Variants in TNKS observed in about 807,000 individuals in gnomAD.
TNKS encodes poly [ADP-ribose] polymerase tankyrase-1.
In TNKS, 72 loss-of-function variants were observed where a neutral mutation model predicts 135.8. The ratio of observed to expected loss-of-function variants is 0.53; its 90% CI spans 0.44 to 0.64. The LOEUF (loss-of-function observed/expected upper bound fraction) is 0.64, where lower values mean the gene tolerates loss of function less well. TNKS is among the 30% of genes least tolerant of loss of function. The pLI is 0.00. For missense variants in TNKS, 1,769 were observed against 1,674.0 expected (o/e 1.06, Z -0.99); for synonymous variants, 849 against 649.3 (o/e 1.31, Z -4.68).
intron 3 of TNKS, among the ~76,000 whole-genome samples, chr8:9,632,274 G>C (rs925914860): frequency 6.6e-6 from 1 of 152,086 alleles, no homozygotes; most frequent in Non-Finnish European, 1.5e-5. Flanking sequence ...CCCTACGACT[G>C]TTTCTCCAAA....
At chr8:9,598,707 G>A (rs1162846181) in intron 2 of TNKS, among the ~76,000 whole-genome samples, 2 of 97,400 alleles carry the variant, frequency 2.1e-5, no homozygotes, top group African/African-American at 4.2e-5. Context: ...TCTAAAATAT[G>A]TGTGTGTGTG....
chr8:9,745,725 G>A lies in TNKS; in HGVS notation c.2644-2299G>A, dbSNP rs150636567. ...TGGCCTATTTTTTGTTTTTGGGGGC[G>A]TTTTTTGCTTTGTATTATTAGAGCA... On this transcript the variant is annotated intron_variant, in intron 17 of 26. Coordinates refer to ENST00000310430, the MANE Select transcript of TNKS (RefSeq NM_003747.3). Among the ~76,000 whole-genome samples the A allele has an allele frequency of 1.9e-3, 292 of 152,080 alleles. 1 individual carries two copies. Among genetic ancestry groups the A allele is most frequent in the African/African-American group, 6.6e-3 (274 of 41,472 alleles).
chr8:9,713,763 C>G (rs532186273), intron 11 of TNKS, among the ~76,000 whole-genome samples: 6 of 152,326 alleles, frequency 3.9e-5, no homozygotes, highest in African/African-American at 1.4e-4. Context: ...GATGCTGTTC[C>G]TCATGGTTGG....
At chr8:9,583,409 T>G (rs911157711) in intron 2 of TNKS, among the ~76,000 whole-genome samples, 6 of 152,178 alleles carry the variant, frequency 3.9e-5, no homozygotes, top group Non-Finnish European at 7.4e-5. Flanking sequence ...CCTTTAGAAC[T>G]TATTTATCTT....
rs1490071053 is a variant in TNKS, at chr8:9,765,701, G to C, written c.3457G>C (p.Val1153Leu). The C allele has an allele frequency of 1.2e-6, 2 of 1,613,576 alleles. No individual in the cohort carries two copies. Among genetic ancestry groups the C allele is most frequent in the Non-Finnish European group, 1.7e-6 (2 of 1,179,632 alleles). Reference sequence around the variant, plus strand: ...TTCTTCATCCTTAAAGATTCAAAAAGTTGTCAACAAGAAGTTGAGGGAGCG... The same window carrying C: ...TTCTTCATCCTTAAAGATTCAAAAACTTGTCAACAAGAAGTTGAGGGAGCG... ...NRYNVIRIQK[V>L]VNKKLRERFC... The change falls in exon 24 of 27, where the codon GTT (valine) becomes CTT (leucine). Residue 1153 changes from valine (V) to leucine (L), a missense_variant. By Grantham distance (32) the Val-to-Leu change is conservative (BLOSUM62 1). Around this residue, in one of 5 missense-constraint regions of TNKS, gnomAD observed 722 missense variants for 688.9 expected, o/e 1.05. Transcript: ENST00000310430.
intron 25 of TNKS, among the ~76,000 whole-genome samples, chr8:9,767,958 C>CAAAA (rs1030767438): frequency 2.9e-5 from 2 of 68,064 alleles, no homozygotes; most frequent in East Asian, 5.6e-4. Flanking sequence ...GACTCCGTCT[C>CAAAA]AAAAAAAAAA....
At chr8:9,764,602 T>A (rs1024122010) in intron 22 of TNKS, 114 bp from the exon 23 acceptor site, 40 of 639,594 alleles carry the variant, frequency 6.3e-5, no homozygotes, top group Non-Finnish European at 9.2e-5. Flanking sequence ...ACTAAACTTG[T>A]TCATCAATTT....
intron 13 of TNKS, among the ~76,000 whole-genome samples, chr8:9,728,614 G>A (rs1805269959): frequency 6.6e-6 from 1 of 151,692 alleles, no homozygotes; most frequent in Non-Finnish European, 1.5e-5. Context: ...CTCCTTAGAG[G>A]GTGTTTATTA....
intron 1 of TNKS, among the ~76,000 whole-genome samples, chr8:9,571,043 G>A (rs1797736611): frequency 6.6e-6 from 1 of 152,036 alleles, no homozygotes; most frequent in Admixed American, 6.5e-5. Flanking sequence ...ACATTCGGGG[G>A]CATTTTGCTG....
intron 3 of TNKS, among the ~76,000 whole-genome samples, chr8:9,647,218 C>G (rs1800951425): frequency 6.6e-6 from 1 of 152,258 alleles, no homozygotes. Context: ...CAATACTTAC[C>G]TTTGTTCACT....
intron 17 of TNKS, among the ~76,000 whole-genome samples, chr8:9,745,698 C>T (rs1806199214): frequency 6.6e-6 from 1 of 152,120 alleles, no homozygotes; most frequent in African/African-American, 2.4e-5. Flanking sequence ...AACCACCACA[C>T]CTGGCCTATT....
At chr8:9,726,592 A>G (rs374861538) in intron 12 of TNKS, 49 bp from the exon 13 acceptor site, 11 of 1,368,080 alleles carry the variant, frequency 8.0e-6, no homozygotes, top group Non-Finnish European at 1.1e-5. Context: ...TGCAGTTGGA[A>G]TATATGAGTT....
At chr8:9,703,133 C>G (rs574945830) in intron 5 of TNKS, among the ~76,000 whole-genome samples, 1 of 152,124 alleles carries the variant, frequency 6.6e-6, no homozygotes, top group African/African-American at 2.4e-5. Flanking sequence ...TGCCTGAAGC[C>G]TCGGATAGTA....
chr8:9,730,997 G>A lies in TNKS; in HGVS notation c.2109G>A (p.Leu703=), dbSNP rs1271433379. ...ACCGCGTGTCTGTTGTAGAGTACCT[G>A]CTACACCACGGTGCCGATGTCCATG... ...GYNRVSVVEY[L]LHHGADVHAK... is the part of the protein sequence containing the mutation. The change falls in exon 14 of 27, where the codon CTG becomes CTA. Residue 703 remains leucine, a synonymous_variant. Coordinates refer to ENST00000310430, the MANE Select transcript of TNKS (RefSeq NM_003747.3). 1.9e-6 allele frequency: 3 copies of A among 1,613,336 alleles called. No individual in the cohort carries two copies. The highest frequency in any genetic ancestry group is 2.7e-5 in the African/African-American group (2 of 74,920).
chr8:9,618,266 A>G (rs2128766617), intron 3 of TNKS, among the ~76,000 whole-genome samples: 1 of 152,254 alleles, frequency 6.6e-6, no homozygotes, highest in East Asian at 1.9e-4. Flanking sequence ...AACATTTACA[A>G]ATATGTGACT....
intron 18 of TNKS, among the ~76,000 whole-genome samples, chr8:9,751,305 G>T (rs867685435): frequency 6.6e-6 from 1 of 152,276 alleles, no homozygotes; most frequent in South Asian, 2.1e-4. Context: ...CTGTTTAAAC[G>T]TAAACAAAAT....
In TNKS at chr8:9,767,776, G is replaced by A. The variant is rs939907152; in HGVS notation, c.3740+1351G>A. Among the ~76,000 whole-genome samples the A allele has an allele frequency of 3.9e-5, 6 of 152,036 alleles. No individual in the cohort carries two copies. The South Asian group carries it at 6.2e-4, about 16-fold the overall frequency. On this transcript the variant is annotated intron_variant, in intron 25 of 26. Transcript: ENST00000310430. ...AGATTGAGACCATCCTGGCTAACAC[G>A]GTGCAACCCCGTCTCTACTAAAAAT...
intron 17 of TNKS, among the ~76,000 whole-genome samples, chr8:9,746,981 C>G (rs1041626214): frequency 6.9e-6 from 1 of 144,014 alleles, no homozygotes; most frequent in African/African-American, 2.6e-5. Context: ...CTTTTGGGTT[C>G]AAGTGATTCT....
At chr8:9,754,996 C>T (rs897754445) in intron 20 of TNKS, among the ~76,000 whole-genome samples, 1 of 152,106 alleles carries the variant, frequency 6.6e-6, no homozygotes, top group African/African-American at 2.4e-5. Context: ...GCTGTTCTTC[C>T]CAAATCATTT....
Sources: allele counts gnomAD v4.1 joint callset (sites outside exome capture counted in the v4.1 genomes callset), GRCh38; gene constraint gnomAD v4.1.1; regional missense constraint gnomAD v4.1.1; transcripts MANE v1.5; gene names NCBI Gene and HGNC (gene_info 2026-07-23, HGNC 2026-07-21).